Variants in SPAG7 observed in about 807,000 individuals in gnomAD.
SPAG7 encodes sperm-associated antigen 7.
A neutral mutation model predicts 30.6 loss-of-function variants in SPAG7; 20 were observed. The observed-to-expected ratio is 0.65, with a 90% CI of 0.46 to 0.95. SPAG7 has a LOEUF of 0.95. Among genes scored for constraint, SPAG7 ranks in the 40% least tolerant of loss-of-function variants. The pLI is 0.00. For missense variants in SPAG7, 276 were observed against 291.1 expected, an observed-to-expected ratio of 0.95 and a Z score of 0.38; for synonymous variants, 127 against 104.2, an observed-to-expected ratio of 1.22 and a Z score of -1.33.
Position 4,959,828 on chromosome 17 carries a change from T to C in SPAG7, c.506A>G (p.His169Arg), listed in dbSNP as rs574343509. The change falls in exon 6 of 7, where the codon CAC becomes CGC. Residue 169 changes from histidine (H) to arginine (R), a missense_variant. Coordinates refer to ENST00000206020, the MANE Select transcript of SPAG7 (RefSeq NM_004890.3). ...PASDYKDKYS[H>R]LIGKGAAKDA... Reference sequence around the variant, plus strand: ...TTTGGCTGCTCCCTTGCCGATGAGGTGGCTGTACTTGTCCTTGTAGTCGCT... The same window carrying C: ...TTTGGCTGCTCCCTTGCCGATGAGGCGGCTGTACTTGTCCTTGTAGTCGCT... The C allele has an allele frequency of 6.2e-7, 1 of 1,614,102 alleles. No homozygotes were observed. Among genetic ancestry groups the C allele is most frequent in the East Asian group, 2.2e-5 (1 of 44,878 alleles).
At position 4,960,842 on chromosome 17, in the gene SPAG7, G is replaced by T. The variant is rs182635218; in HGVS notation, c.97C>A (p.Arg33Ser). Reference sequence around the variant, plus strand: ...TCTTGCTCTTGTAGTTTCTTCAGGCGGGCGGCCTGTTCTGGGGGTGAGAAA... The same window carrying T: ...TCTTGCTCTTGTAGTTTCTTCAGGCTGGCGGCCTGTTCTGGGGGTGAGAAA... ...TRRKAREQAA[R>S]LKKLQEQEKQ... is the part of the protein sequence containing the mutation. Residue 33 changes from arginine to serine, a missense_variant, in exon 2 of 7, where the codon CGC becomes AGC. Transcript: ENST00000206020. 2.5e-6 allele frequency: 4 copies of T among 1,613,988 alleles called. No individual in the cohort carries two copies. The highest frequency in any genetic ancestry group is 3.3e-5 in the Admixed American group (2 of 60,016).
chr17:4,960,307 A>G lies in SPAG7; in HGVS notation c.254T>C (p.Val85Ala). 2 of 1,614,116 alleles carry G rather than the reference A, an allele frequency of 1.2e-6. No individual in the cohort carries two copies. The highest frequency in any genetic ancestry group is 8.5e-7 in the Non-Finnish European group (1 of 1,179,976). The change falls in exon 4 of 7, where the codon GTG becomes GCG. Residue 85 changes from valine (V) to alanine (A), a missense_variant. Val to Ala is a moderately conservative substitution (Grantham distance 64). Transcript: ENST00000206020. ...KIERSILHDV[V>A]EVAGLTSFSF... ...GAAGGATGTCAGGCCAGCCACTTCC[A>G]CCACATCATGTCTGGGATGGGATGG...
intron 1 of SPAG7, among the ~76,000 whole-genome samples, chr17:4,967,514 A>G (rs1281024551): frequency 6.6e-6 from 1 of 152,144 alleles, no homozygotes; most frequent in African/African-American, 2.4e-5. Flanking sequence ...GAGAAGAGGC[A>G]GGAGGCTGGC....
Position 4,959,676 on chromosome 17 carries a change from G to T in SPAG7, c.575-33C>A. On this transcript the variant is annotated intron_variant, in intron 6 of 6. Coordinates refer to ENST00000206020, the MANE Select transcript of SPAG7 (RefSeq NM_004890.3). ...CAGAGAGGAGGGTAGGGCGGGCCTA[G>T]AAATCCGTACCTCAGCCTCCACTGC... 1.9e-6 allele frequency: 3 copies of T among 1,613,400 alleles called. No individual in the cohort carries two copies. The South Asian group carries it at 3.3e-5, about 18-fold the overall frequency.
Position 4,960,451 on chromosome 17 carries a change from A to G in SPAG7, c.242+8T>C. On this transcript the variant is annotated splice_region_variant and intron_variant, in intron 3 of 6. Transcript: ENST00000206020. ...ATTTCCTTCCTCCCCCAGCCCAGGG[A>G]CACTCACAGTATGCTCCTCTCGATC... is the stretch of plus-strand genomic sequence containing the variant. The G allele has an allele frequency of 6.2e-7, 1 of 1,608,362 alleles. No homozygotes were observed. Among genetic ancestry groups the G allele is most frequent in the Non-Finnish European group, 8.5e-7 (1 of 1,176,076 alleles).
At chr17:4,964,700 T>G (rs1971920522) in intron 1 of SPAG7, among the ~76,000 whole-genome samples, 1 of 151,852 alleles carries the variant, frequency 6.6e-6, no homozygotes, top group African/African-American at 2.4e-5. Context: ...TTCCCCAGGA[T>G]CTGAATCCTC....
At chr17:4,967,002 G>C (rs1293541566) in intron 1 of SPAG7, 1 of 985,620 alleles carries the variant, frequency 1.0e-6, no homozygotes, top group Non-Finnish European at 1.2e-6. Flanking sequence ...CCGCCCTGCA[G>C]GGCCGCGCCC....
chr17:4,959,675 A>G, intron 6 of SPAG7, 32 bp from the exon 7 acceptor site: 1 of 1,613,394 alleles, frequency 6.2e-7, no homozygotes, highest in Non-Finnish European at 8.5e-7. Context: ...GGGCGGGCCT[A>G]GAAATCCGTA....
At chr17:4,966,780 C>A in intron 1 of SPAG7, 2 of 985,456 alleles carry the variant, frequency 2.0e-6, no homozygotes, top group Non-Finnish European at 2.4e-6. Context: ...TGGTCCCTAA[C>A]GGTTGTTCAA....
At chr17:4,967,695 G>T in intron 1 of SPAG7, 25 bp downstream of exon 1, 1 of 1,575,758 alleles carries the variant, frequency 6.3e-7, no homozygotes, top group Non-Finnish European at 8.7e-7. Context: ...GCGAAGGAAG[G>T]CGGTTGTGAA....
chr17:4,967,086 C>A, intron 1 of SPAG7: 1 of 985,608 alleles, frequency 1.0e-6, no homozygotes, highest in Non-Finnish European at 1.2e-6. Context: ...AGTGGCCAAT[C>A]GGACCCGGCG....
rs1971820141 is a variant in SPAG7, at chr17:4,959,453, G to C, written c.*81C>G. ...GAGGTGGTTCAGAGGTGGGGCTCCA[G>C]GATGGGCTCTAATAGCAGCAGCCTT... On this transcript the variant is annotated 3_prime_UTR_variant, in exon 7 of 7. Coordinates refer to ENST00000206020, the MANE Select transcript of SPAG7 (RefSeq NM_004890.3). 4.4e-6 allele frequency: 5 copies of C among 1,126,904 alleles called. No homozygotes were observed. The highest frequency in any genetic ancestry group is 6.6e-6 in the Non-Finnish European group (5 of 759,062). The allele number at this position is 1,126,904 out of a possible 1,614,324, so 69.8% of individuals were successfully genotyped here. A position where few individuals can be genotyped will look rare whatever the true frequency, so the allele number is the denominator to read the frequency against.
In SPAG7 at chr17:4,960,458, C is replaced by G; in HGVS notation, c.242+1G>C. ...TCCTCCCCCAGCCCAGGGACACTCA[C>G]AGTATGCTCCTCTCGATCTTGTTCA... On this transcript the variant is annotated splice_donor_variant, in intron 3 of 6. Coordinates refer to ENST00000206020, the MANE Select transcript of SPAG7 (RefSeq NM_004890.3). LOFTEE classifies it high-confidence loss of function. 1 of 1,607,954 alleles carries G rather than the reference C, an allele frequency of 6.2e-7. No individual in the cohort carries two copies. The highest frequency in any genetic ancestry group is 1.1e-5 in the South Asian group (1 of 90,530).
At chr17:4,966,943 G>C (rs1971964921) in intron 1 of SPAG7, 2 of 985,362 alleles carry the variant, frequency 2.0e-6, no homozygotes, top group Non-Finnish European at 2.4e-6. Flanking sequence ...CCTGCGTTCC[G>C]CCAGTATCAT....
intron 2 of SPAG7, 101 bp downstream of exon 2, chr17:4,960,685 C>T: frequency 7.1e-7 from 1 of 1,414,300 alleles, no homozygotes; most frequent in Middle Eastern, 1.8e-4. Flanking sequence ...TGCGTCACCT[C>T]TCTCAAGACA....
chr17:4,967,147 A>T (rs778820910), intron 1 of SPAG7: 7 of 986,144 alleles, frequency 7.1e-6, no homozygotes, highest in Non-Finnish European at 8.4e-6. Context: ...GCAGCTCGGG[A>T]ATTTAAGGCT....
intron 3 of SPAG7, 48 bp from the exon 4 acceptor site, chr17:4,960,366 G>T: frequency 6.2e-7 from 1 of 1,605,340 alleles, no homozygotes; most frequent in Non-Finnish European, 8.5e-7. Context: ...CCAGGAGCGG[G>T]CCTAGTGCCC....
intron 1 of SPAG7, among the ~76,000 whole-genome samples, chr17:4,961,123 C>G (rs899321002): frequency 6.6e-6 from 1 of 152,106 alleles, no homozygotes; most frequent in African/African-American, 2.4e-5. Context: ...ACATACATGC[C>G]TATGATAAAG....
intron 1 of SPAG7, 65 bp from the exon 2 acceptor site, chr17:4,960,918 C>T: frequency 6.9e-7 from 1 of 1,456,634 alleles, no homozygotes. Flanking sequence ...GTTTCTAAGG[C>T]TTCAAGTGAA....
Sources: allele counts gnomAD v4.1 joint callset (sites outside exome capture counted in the v4.1 genomes callset), GRCh38; gene constraint gnomAD v4.1.1; transcripts MANE v1.5; gene names NCBI Gene and HGNC (gene_info 2026-07-23, HGNC 2026-07-21).